ANKRD60: variants seen among roughly 807,000 people sequenced by gnomAD.
ANKRD60 encodes the protein ankyrin repeat domain 60, also known as ankyrin repeat domain-containing protein 60.
ANKRD60 carries 24 observed loss-of-function variants against 21.3 expected under a neutral mutation model. That is an observed-to-expected ratio of 1.13 (90% CI 0.82 to 1.59). The LOEUF (loss-of-function observed/expected upper bound fraction) is 1.59. Among genes scored for constraint, ANKRD60 ranks in the 40% most tolerant of loss-of-function variants. The pLI is 0.00. For synonymous variants in ANKRD60, 182 were observed against 199.4 expected (o/e 0.91, Z 0.74); for missense variants, 490 against 466.7 (o/e 1.05, Z -0.46).
intron 3 of ANKRD60, among the ~76,000 whole-genome samples, chr20:58,220,683 A>AGTGTGTGTGTGTGTGTGTGT (rs36015489): frequency 6.7e-6 from 1 of 148,410 alleles, no homozygotes; most frequent in Non-Finnish European, 1.5e-5. Flanking sequence ...GGTTTTTTCT[A>AGTGTGTGTGTGTGTGTGTGT]GTGTGTGTGT....
chr20:58,219,115 C>A (rs979546561), intron 3 of ANKRD60, among the ~76,000 whole-genome samples: 1 of 152,184 alleles, frequency 6.6e-6, no homozygotes, highest in Non-Finnish European at 1.5e-5. Flanking sequence ...TCTCCTCCCC[C>A]ACCCCACCAC....
chr20:58,218,611 G>A (rs1367570423), exon 4 of ANKRD60: 7 of 1,551,670 alleles, frequency 4.5e-6, no homozygotes. Context: ...ATCCGGTGGA[G>A]GAGGACCATC....
intron 1 of ANKRD60, among the ~76,000 whole-genome samples, chr20:58,227,115 G>T (rs1984381587): frequency 6.6e-6 from 1 of 152,308 alleles, no homozygotes; most frequent in Middle Eastern, 3.4e-3. Context: ...GTGTGGACAT[G>T]GTTGTGGAGG....
At position 58,228,488 on chromosome 20, in the gene ANKRD60, C is replaced by T; in HGVS notation, c.166G>A (p.Ala56Thr). Residue 56 changes from alanine (A) to threonine (T), a missense_variant, in exon 1 of 4, where the codon GCG (alanine) becomes ACG (threonine). Coordinates refer to ENST00000457363, the Ensembl canonical transcript of ANKRD60. This position sits in a 1 kb window ranked among gnomAD's most constrained non-coding sequence, Gnocchi z 5.3. Reference sequence around the variant, plus strand: ...TGCGCGGGGAGGGCCCGCGAGTCCGCCGAGCCCACCCTGGGCCCGCCGCAC... The same window carrying T: ...TGCGCGGGGAGGGCCCGCGAGTCCGTCGAGCCCACCCTGGGCCCGCCGCAC... The T allele has an allele frequency of 6.7e-7, 1 of 1,482,778 alleles. No homozygotes were observed. 91.9% of individuals were successfully genotyped at this position (1,482,778 alleles called of 1,614,324 possible). A position where few individuals can be genotyped will look rare whatever the true frequency, so the allele number is the denominator to read the frequency against.
chr20:58,228,627 C>CCGA lies in ANKRD60; in HGVS notation c.26_27insTCG (p.Met9delinsIleArg). 1 of 1,021,134 alleles carries CCGA rather than the reference C, an allele frequency of 9.8e-7. No individual in the cohort carries two copies. The highest frequency in any genetic ancestry group is 1.2e-6 in the Non-Finnish European group (1 of 850,480). 63.3% of individuals were successfully genotyped at this position (1,021,134 alleles called of 1,614,324 possible). On this transcript the variant is annotated protein_altering_variant, in exon 1 of 4. Coordinates refer to ENST00000457363, the Ensembl canonical transcript of ANKRD60. This position sits in a 1 kb window ranked among gnomAD's most constrained non-coding sequence, Gnocchi z 5.3. ...CGCCCGCCCCCGCCGCCGCCCGCCG[C>CCGA]ATCCCCCAGGCGCGGCCGCGCGTCA...
downstream of ANKRD60, among the ~76,000 whole-genome samples, chr20:58,218,228 C>T (rs1337404155): frequency 2.6e-5 from 4 of 152,210 alleles, no homozygotes; most frequent in African/African-American, 9.7e-5. Flanking sequence ...CTGAGCAGCG[C>T]TATTGGGTAC....
intron 1 of ANKRD60, among the ~76,000 whole-genome samples, chr20:58,227,675 T>C (rs1239457653): frequency 6.6e-6 from 1 of 152,148 alleles, no homozygotes; most frequent in Admixed American, 6.5e-5. Flanking sequence ...GTGGACATGG[T>C]TGGCTAGAGG....
chr20:58,223,043 T>G lies in ANKRD60; in HGVS notation c.561+9A>C, dbSNP rs775984356. ...CGTATAATATCCATTTAAAGAAGCT[T>G]GAAAACACCTTGCTGGGATCCCCTT... is the stretch of plus-strand genomic sequence containing the variant. On this transcript the variant is annotated intron_variant, in intron 2 of 3. Coordinates refer to ENST00000457363, the Ensembl canonical transcript of ANKRD60. 6.5e-7 allele frequency: 1 copy of G among 1,543,238 alleles called. No individual in the cohort carries two copies. Among genetic ancestry groups the G allele is most frequent in the Non-Finnish European group, 8.7e-7 (1 of 1,144,584 alleles).
rs79950729 is a variant in ANKRD60 at position 58,222,100 on chromosome 20, G to C, written c.562-597C>G. Among the ~76,000 whole-genome samples the C allele has an allele frequency of 3.5e-3, 527 of 152,308 alleles. 11 individuals are homozygous for C. The highest frequency in any genetic ancestry group is 0.028 in the Admixed American group (423 of 15,298). ...GCAGTGGGAGGATCAGAATCGAGAC[G>C]AGGATGATGGCAATTCTGACAGCCT... On this transcript the variant is annotated intron_variant, in intron 2 of 3. Transcript: ENST00000457363.
exon 3 of ANKRD60, chr20:58,221,491 C>G (rs189070946): frequency 6.4e-7 from 1 of 1,551,448 alleles, no homozygotes; most frequent in Non-Finnish European, 8.7e-7. Context: ...TCAGTAAGCC[C>G]GAGACAAGAT....
chr20:58,218,832 G>A (rs1249680976), intron 3 of ANKRD60, 27 bp from the exon 4 acceptor site: 1 of 1,509,090 alleles, frequency 6.6e-7, no homozygotes, highest in East Asian at 2.5e-5. Context: ...TTGGCCAGAA[G>A]GAAGACATGC....
At chr20:58,219,665 T>C (rs1477725540) in intron 3 of ANKRD60, among the ~76,000 whole-genome samples, 1 of 152,222 alleles carries the variant, frequency 6.6e-6, no homozygotes, top group Non-Finnish European at 1.5e-5. Context: ...TTCAATTAAA[T>C]TCAGCTGACA....
chr20:58,218,746 T>A, exon 4 of ANKRD60: 1 of 1,551,482 alleles, frequency 6.4e-7, no homozygotes, highest in Non-Finnish European at 8.7e-7. Flanking sequence ...GACCGGCCCA[T>A]AGCTGCAGCC....
intron 1 of ANKRD60, among the ~76,000 whole-genome samples, chr20:58,223,865 A>G (rs1009931963): frequency 1.3e-4 from 20 of 152,142 alleles, no homozygotes; most frequent in Admixed American, 1.1e-3. Flanking sequence ...GCACTTTGGG[A>G]GGCTGAGGTG....
chr20:58,226,173 C>G (rs2122813285), intron 1 of ANKRD60, among the ~76,000 whole-genome samples: 1 of 152,244 alleles, frequency 6.6e-6, no homozygotes, highest in Admixed American at 6.5e-5. Context: ...ACGTAGATAG[C>G]AGCATTTGCT....
downstream of ANKRD60, among the ~76,000 whole-genome samples, chr20:58,217,103 C>T (rs567603317): frequency 2.0e-5 from 3 of 152,284 alleles, no homozygotes; most frequent in South Asian, 2.1e-4. Context: ...TAGCAGACCA[C>T]GTTCTTCAAA....
chr20:58,216,922 C>A (rs674645), downstream of ANKRD60, among the ~76,000 whole-genome samples: 118,308 of 152,138 alleles, frequency 0.78, 48,659 homozygotes, highest in Non-Finnish European at 0.91. Flanking sequence ...AGAGTGGACC[C>A]CACACGCCAC....
At position 58,221,331 on chromosome 20, in the gene ANKRD60, G is replaced by C. The variant is rs746756697; in HGVS notation, c.727+7C>G. 5.8e-6 allele frequency: 9 copies of C among 1,548,758 alleles called. No individual in the cohort carries two copies. The South Asian group carries it at 1.1e-4, about 19-fold the overall frequency. On this transcript the variant is annotated splice_region_variant and intron_variant, in intron 3 of 3. Coordinates refer to ENST00000457363, the Ensembl canonical transcript of ANKRD60. ...CATGAATATAGCAAGCTTTCTACCA[G>C]AATTACCGTGTTCTAGAAGGTACTG...
chr20:58,216,763 G>T (rs971278537), downstream of ANKRD60, among the ~76,000 whole-genome samples: 2 of 152,224 alleles, frequency 1.3e-5, no homozygotes, highest in African/African-American at 2.4e-5. Flanking sequence ...TTCTTGGGAT[G>T]GAAGTGGGAA....
Sources: gnomAD v4.1 joint callset for allele counts (sites outside exome capture counted in the v4.1 genomes callset) on GRCh38, gnomAD v4.1.1 for gene constraint, Gnocchi (gnomAD v3.1) non-coding constraint, MANE v1.5 for transcripts, NCBI Gene and HGNC (gene_info 2026-07-23, HGNC 2026-07-21) for gene names.